Variants in TMEM120A observed in about 807,000 individuals in gnomAD.
TMEM120A encodes the protein ion channel TACAN.
In TMEM120A, 45 loss-of-function variants were observed where a neutral mutation model predicts 54.3. That is an observed-to-expected ratio of 0.83 (90% CI 0.65 to 1.06). The LOEUF (loss-of-function observed/expected upper bound fraction) is 1.06, where lower values mean the gene tolerates loss of function less well. Among genes scored for constraint, TMEM120A ranks in the 50% least tolerant of loss-of-function variants. TMEM120A has a pLI of 0.00. For synonymous variants in TMEM120A, 204 were observed against 178.5 expected (o/e 1.14, Z -1.14); for missense variants, 424 against 441.7 (o/e 0.96, Z 0.36).
At chr7:75,993,896 G>A (rs1168667170) in intron 1 of TMEM120A, among the ~76,000 whole-genome samples, 10 of 152,110 alleles carry the variant, frequency 6.6e-5, no homozygotes, top group Non-Finnish European at 1.5e-4. Flanking sequence ...CACTGGCCTC[G>A]GAGGGACTCT....
chr7:75,987,802 G>A lies in TMEM120A; in HGVS notation c.700C>T (p.Gln234Ter), dbSNP rs1789594146. 1 of 1,611,870 alleles carries A rather than the reference G, an allele frequency of 6.2e-7. No homozygotes were observed. Among genetic ancestry groups the A allele is most frequent in the Non-Finnish European group, 8.5e-7 (1 of 1,179,614 alleles). ...LSFSMYQSFV[Q>*]FLQYYYQSGC... is the part of the protein sequence containing the mutation. ...CTCTGGTAGTAGTACTGGAGAAACTGCACGAAGCCTGGGCCGGGCGGAGGA... is the reference window on the plus strand; with the variant it reads ...CTCTGGTAGTAGTACTGGAGAAACTACACGAAGCCTGGGCCGGGCGGAGGA... Residue 234 changes from glutamine to a stop codon, truncating the protein, a stop_gained, in exon 9 of 12, where the codon CAG becomes TAG. Coordinates refer to ENST00000493111, the MANE Select transcript of TMEM120A (RefSeq NM_031925.3). LOFTEE classifies it high-confidence loss of function.
chr7:75,989,461 C>T lies in TMEM120A; in HGVS notation c.318-237G>A, dbSNP rs192287258. Among the ~76,000 whole-genome samples, 38 of 149,804 alleles carry T rather than the reference C, an allele frequency of 2.5e-4. 2 individuals carry two copies. In the South Asian group the frequency reaches 2.6e-3, roughly 10 times the overall value. ...ACCCCCGGAGGAAACAGTGTTCCCC[C>T]CCATCTCCAGAGTCTTGTCTGAAAC... On this transcript the variant is annotated intron_variant, in intron 3 of 11. Coordinates refer to ENST00000493111, the MANE Select transcript of TMEM120A (RefSeq NM_031925.3).
chr7:75,990,922 TCTC>T (rs1318276274), intron 3 of TMEM120A, among the ~76,000 whole-genome samples: 1 of 134,372 alleles, frequency 7.4e-6, no homozygotes, highest in Non-Finnish European at 1.6e-5. Context: ...AAAAAAAAAG[TCTC>T]CTAGACTTGG....
In TMEM120A at chr7:75,987,235, G is replaced by T; in HGVS notation, c.969C>A (p.Phe323Leu). 3.1e-6 allele frequency: 5 copies of T among 1,608,896 alleles called. No homozygotes were observed. The highest frequency in any genetic ancestry group is 4.2e-6 in the Non-Finnish European group (5 of 1,178,242). ...TGTGGTGCACAACCCTCAGGGTGGTGAAGAAATTGCCGAGGAAAAGGAGGA... is the reference window on the plus strand; with the variant it reads ...TGTGGTGCACAACCCTCAGGGTGGTTAAGAAATTGCCGAGGAAAAGGAGGA... ...PFLLLFLGNF[F>L]TTLRVVHHKF... is the part of the protein sequence containing the mutation. Residue 323 changes from phenylalanine to leucine, a missense_variant, in exon 12 of 12, where the codon TTC (phenylalanine) becomes TTA (leucine). Physicochemically the swap from Phe to Leu is conservative, Grantham distance 22. Coordinates refer to ENST00000493111, the MANE Select transcript of TMEM120A (RefSeq NM_031925.3).
intron 9 of TMEM120A, 41 bp from the exon 10 acceptor site, chr7:75,987,643 G>A (rs1554560234): frequency 1.9e-6 from 3 of 1,604,888 alleles, no homozygotes; most frequent in African/African-American, 1.3e-5. Context: ...GCCAGGGACA[G>A]AGGGGACGCT....
In TMEM120A at chr7:75,987,295, G is replaced by A. The variant is rs782072825; in HGVS notation, c.919-10C>T. 8 of 1,588,462 alleles carry A rather than the reference G, an allele frequency of 5.0e-6. No homozygotes were observed. Among genetic ancestry groups the A allele is most frequent in the Non-Finnish European group, 6.8e-6 (8 of 1,168,440 alleles). On this transcript the variant is annotated splice_polypyrimidine_tract_variant and intron_variant, in intron 11 of 11. Coordinates refer to ENST00000493111, the MANE Select transcript of TMEM120A (RefSeq NM_031925.3). ...AGCCGCACATAAGCACCTGCCGGAG[G>A]AATAGGGTGAGGGCTGGACATGGGC... is the stretch of plus-strand genomic sequence containing the variant.
At position 75,991,069 on chromosome 7, in the gene TMEM120A, C is replaced by T. The variant is rs1000600168; in HGVS notation, c.317+1075G>A. Among the ~76,000 whole-genome samples the T allele has an allele frequency of 3.3e-5, 5 of 152,070 alleles. No homozygotes were observed. The East Asian group carries it at 5.8e-4, about 18-fold the overall frequency. ...TTATCACAGGACTGACCCCAGGCTA[C>T]GGACACTCCTTTCTTCTCCCTGCCT... On this transcript the variant is annotated intron_variant, in intron 3 of 11. Transcript: ENST00000493111.
chr7:75,988,014 G>A (rs782370741), intron 7 of TMEM120A, 30 bp from the exon 8 acceptor site: 2 of 1,594,936 alleles, frequency 1.3e-6, no homozygotes, highest in East Asian at 4.6e-5. Context: ...GCAGTGTGGG[G>A]ACCCTTGGGG....
rs1789991328 is a variant in TMEM120A, at chr7:75,994,540, C to T, written c.31G>A (p.Asp11Asn). MQPPPPGPLG[D>N]CLRDWEDLQQ... The stretch of plus-strand genomic sequence containing the variant: ...AGATCCTCCCAGTCCCGCAGGCAGT[C>T]GCCCAGCGGGCCCGGGGGCGGGGGC... Residue 11 changes from aspartate to asparagine, a missense_variant, in exon 1 of 12, where the codon GAC becomes AAC. By Grantham distance (23) the Asp-to-Asn change is conservative. Transcript: ENST00000493111. The T allele has an allele frequency of 1.3e-6, 2 of 1,561,230 alleles. No homozygotes were observed. Among genetic ancestry groups the T allele is most frequent in the Non-Finnish European group, 1.7e-6 (2 of 1,154,396 alleles).
rs898469657 is a variant in TMEM120A, at chr7:75,986,856, T to C, written c.*316A>G. The C allele has an allele frequency of 8.7e-6, 5 of 576,148 alleles. No homozygotes were observed. In the East Asian group the frequency reaches 1.1e-4, roughly 13 times the overall value. 35.7% of individuals were successfully genotyped at this position (576,148 alleles called of 1,614,324 possible). ...TTGGAATAAAGTTCTGTTTTCTGTA[T>C]TTGCCTGGTATTGTGTGAGTAGATC... On this transcript the variant is annotated 3_prime_UTR_variant, in exon 12 of 12. Transcript: ENST00000493111.
At chr7:75,989,881 C>G (rs552955274) in intron 3 of TMEM120A, among the ~76,000 whole-genome samples, 84 of 152,260 alleles carry the variant, frequency 5.5e-4, no homozygotes, top group Non-Finnish European at 1.0e-3. Flanking sequence ...CATGTCCAGC[C>G]TCCACACCCA....
chr7:75,988,147 T>C lies in TMEM120A; in HGVS notation c.565A>G (p.Ile189Val). The C allele has an allele frequency of 6.2e-7, 1 of 1,610,696 alleles. No individual in the cohort carries two copies. The highest frequency in any genetic ancestry group is 8.5e-7 in the Non-Finnish European group (1 of 1,179,020). The change falls in exon 7 of 12, where the codon ATC (isoleucine) becomes GTC (valine). Residue 189 changes from isoleucine to valine, a missense_variant and splice_region_variant. By Grantham distance (29) the Ile-to-Val change is conservative (BLOSUM62 3). Coordinates refer to ENST00000493111, the MANE Select transcript of TMEM120A (RefSeq NM_031925.3). ...ESILINNGSR[I>V]KGWWVFHHYV... Reference sequence around the variant, plus strand: ...TGATGGAACACCCACCAGCCTTTGATCCTGGAGCAGAGAGCCACCATCACC... The same window carrying C: ...TGATGGAACACCCACCAGCCTTTGACCCTGGAGCAGAGAGCCACCATCACC...
At chr7:75,991,941 C>G (rs1170283481) in intron 3 of TMEM120A, among the ~76,000 whole-genome samples, 5 of 152,226 alleles carry the variant, frequency 3.3e-5, no homozygotes, top group African/African-American at 1.2e-4. Context: ...ACTGTGCCAC[C>G]TCATTCCCCA....
At position 75,987,524 on chromosome 7, in the gene TMEM120A, G is replaced by GA. The variant is rs1585139069; in HGVS notation, c.849+13dup. 2.5e-6 allele frequency: 4 copies of GA among 1,583,036 alleles called. No homozygotes were observed. The highest frequency in any genetic ancestry group is 3.4e-6 in the Non-Finnish European group (4 of 1,165,562). On this transcript the variant is annotated intron_variant, in intron 10 of 11. Coordinates refer to ENST00000493111, the MANE Select transcript of TMEM120A (RefSeq NM_031925.3). ...GGACAGACAGACAGGCAGGGACACA[G>GA]AGGCACGACTTACGTGTCCAAAGAA...
chr7:75,991,643 G>A (rs562397873), intron 3 of TMEM120A, among the ~76,000 whole-genome samples: 119 of 152,114 alleles, frequency 7.8e-4, no homozygotes, highest in Non-Finnish European at 1.4e-3. Flanking sequence ...GACCTCAAGC[G>A]ATCTGCCTTG....
Position 75,986,942 on chromosome 7 carries a change from C to T in TMEM120A, c.*230G>A. ...ACCCCAGGAACCCATGTGGTGGGGC[C>T]ACCCAGCCCTCCCCTCCCCCAGGAG... On this transcript the variant is annotated 3_prime_UTR_variant, in exon 12 of 12. Coordinates refer to ENST00000493111, the MANE Select transcript of TMEM120A (RefSeq NM_031925.3). 1.7e-6 allele frequency: 1 copy of T among 598,170 alleles called. No homozygotes were observed. The highest frequency in any genetic ancestry group is 3.0e-6 in the Non-Finnish European group (1 of 337,196). The allele number at this position is 598,170 out of a possible 1,614,324, so 37.1% of individuals were successfully genotyped here.
chr7:75,987,744 T>G lies in TMEM120A; in HGVS notation c.758A>C (p.Glu253Ala), dbSNP rs782320763. Reference protein sequence around the residue: ...GCLYRLRALGERHTMDLTVEG... With the variant: ...GCLYRLRALGARHTMDLTVEG... ...CACAGTGAGGTCCATGGTGTGCCGC[T>G]CGCCCAGCGCCCGCAGGCGGTAGAG... Residue 253 changes from glutamate (E) to alanine (A), a missense_variant, in exon 9 of 12, where the codon GAG (glutamate) becomes GCG (alanine). Transcript: ENST00000493111. The G allele has an allele frequency of 6.2e-7, 1 of 1,612,336 alleles. No homozygotes were observed. Among genetic ancestry groups the G allele is most frequent in the Admixed American group, 1.7e-5 (1 of 59,984 alleles).
At chr7:75,993,021 T>G (rs1554562223) in intron 1 of TMEM120A, among the ~76,000 whole-genome samples, 1 of 152,122 alleles carries the variant, frequency 6.6e-6, no homozygotes, top group Non-Finnish European at 1.5e-5. Context: ...AGGCTGGTCT[T>G]GAACTCCTGA....
chr7:75,988,452 A>AGATGAG lies in TMEM120A; in HGVS notation c.436_441dup (p.Leu146_Ile147dup), dbSNP rs781791508. 48 of 1,610,542 alleles carry AGATGAG rather than the reference A, an allele frequency of 3.0e-5. No individual in the cohort carries two copies. The highest frequency in any genetic ancestry group is 3.4e-5 in the Non-Finnish European group (40 of 1,179,488). On this transcript the variant is annotated inframe_insertion, in exon 5 of 12. Coordinates refer to ENST00000493111, the MANE Select transcript of TMEM120A (RefSeq NM_031925.3). ...TTGAGCAGGAAGCGGCAAGTGAAGG[A>AGATGAG]GATGAGGATGAGGATGATGGTGAGG...
Sources: gnomAD v4.1 joint callset for allele counts (sites outside exome capture counted in the v4.1 genomes callset) on GRCh38, gnomAD v4.1.1 for gene constraint, MANE v1.5 for transcripts, NCBI Gene and HGNC (gene_info 2026-07-23, HGNC 2026-07-21) for gene names.